The following DLGAP2 variants were observed in gnomAD, a reference collection of about 807,000 sequenced individuals.
DLGAP2 encodes the protein disks large-associated protein 2.
A neutral mutation model predicts 100.3 loss-of-function variants in DLGAP2; 26 were observed. That is an observed-to-expected ratio of 0.26 (90% CI 0.19 to 0.36). The LOEUF is 0.36. Among genes scored for constraint, DLGAP2 ranks in the 10% least tolerant of loss-of-function variants. DLGAP2 has a pLI of 1.00. For synonymous variants in DLGAP2, 886 were observed against 630.1 expected (o/e 1.41, Z -6.08); for missense variants, 1,858 against 1,453.2 (o/e 1.28, Z -4.53).
chr8:1,031,902 G>C (rs932331477), intron 2 of DLGAP2, among the ~76,000 whole-genome samples: 2 of 152,300 alleles, frequency 1.3e-5, no homozygotes, highest in African/African-American at 2.4e-5. Context: ...TGCTACGCTG[G>C]TCTCTCAGAT....
chr8:1,210,639 C>A (rs935197140), intron 2 of DLGAP2, among the ~76,000 whole-genome samples: 2 of 152,182 alleles, frequency 1.3e-5, no homozygotes, highest in African/African-American at 4.8e-5. Context: ...TTCCCTCTTG[C>A]CATGGCTACT....
At chr8:927,881 CA>C (rs540647227) in intron 2 of DLGAP2, among the ~76,000 whole-genome samples, 161 of 152,348 alleles carry the variant, frequency 1.1e-3, no homozygotes, top group African/African-American at 3.6e-3. Context: ...AAAAACCCCA[CA>C]AAGGACCAGC....
chr8:1,427,660 G>A (rs1385359693), intron 3 of DLGAP2, among the ~76,000 whole-genome samples: 3 of 152,146 alleles, frequency 2.0e-5, no homozygotes, highest in Non-Finnish European at 4.4e-5. Flanking sequence ...TAGTGAATGA[G>A]TCTCATGAGA....
intron 3 of DLGAP2, among the ~76,000 whole-genome samples, chr8:1,357,233 C>G (rs1801876264): frequency 2.0e-5 from 3 of 152,070 alleles, no homozygotes; most frequent in Non-Finnish European, 2.9e-5. Flanking sequence ...ACTCACAGCT[C>G]TCAGACTGCA....
chr8:1,519,015 T>C (rs1800493871), intron 4 of DLGAP2, among the ~76,000 whole-genome samples: 1 of 152,282 alleles, frequency 6.6e-6, no homozygotes, highest in East Asian at 1.9e-4. Flanking sequence ...TTCCGAAATT[T>C]TGAGTGCCAG....
intron 2 of DLGAP2, among the ~76,000 whole-genome samples, chr8:1,105,276 G>A (rs528409871): frequency 3.9e-5 from 6 of 152,214 alleles, no homozygotes; most frequent in African/African-American, 1.4e-4. Flanking sequence ...AAAGTATTCT[G>A]AAAGTGAAGA....
In DLGAP2 at chr8:1,174,532, T is replaced by C. The variant is rs1280871364; in HGVS notation, c.74-84319T>C. On this transcript the variant is annotated intron_variant, in intron 2 of 14. Transcript: ENST00000637795. ...TCATTATCACCATCACCAAAATCAT[T>C]ATCATCATTACCATCACCAAAGTCA... Among the ~76,000 whole-genome samples the C allele has an allele frequency of 2.6e-5, 4 of 151,038 alleles. 1 individual carries two copies. In the South Asian group the frequency reaches 6.4e-4, roughly 24 times the overall value.
intron 2 of DLGAP2, among the ~76,000 whole-genome samples, chr8:1,106,812 C>G (rs570128585): frequency 1.3e-5 from 2 of 152,220 alleles, no homozygotes; most frequent in Admixed American, 6.5e-5. Context: ...GGGTGAGGTG[C>G]TTGTCACTTA....
intron 3 of DLGAP2, among the ~76,000 whole-genome samples, chr8:1,269,338 G>C (rs1222296427): frequency 6.6e-6 from 1 of 152,190 alleles, no homozygotes; most frequent in East Asian, 1.9e-4. Flanking sequence ...GGGGAGGATG[G>C]GACCTGCTGG....
chr8:845,241 A>G (rs1456129316), intron 1 of DLGAP2, among the ~76,000 whole-genome samples: 1 of 152,232 alleles, frequency 6.6e-6, no homozygotes, highest in South Asian at 2.1e-4. Context: ...AAGTTGCAGC[A>G]TGAGTTTACG....
chr8:1,144,397 A>G (rs1403989730), intron 2 of DLGAP2, among the ~76,000 whole-genome samples: 1 of 152,256 alleles, frequency 6.6e-6, no homozygotes, highest in African/African-American at 2.4e-5. Context: ...GCTGTAAGAA[A>G]TCCAGAAGCT....
chr8:1,486,906 G>T (rs1466450885), intron 3 of DLGAP2, among the ~76,000 whole-genome samples: 2 of 152,144 alleles, frequency 1.3e-5, no homozygotes, highest in Admixed American at 6.5e-5. Context: ...TTGTCTCCAC[G>T]TTCCCAATAC....
chr8:1,361,244 C>G (rs1010812537), intron 3 of DLGAP2, among the ~76,000 whole-genome samples: 10 of 152,174 alleles, frequency 6.6e-5, no homozygotes, highest in Non-Finnish European at 1.5e-4. Context: ...GGTGACTCCC[C>G]AAGGACAGCA....
At chr8:839,350 A>C (rs1353549726) in intron 1 of DLGAP2, among the ~76,000 whole-genome samples, 1 of 152,224 alleles carries the variant, frequency 6.6e-6, no homozygotes, top group Non-Finnish European at 1.5e-5. Flanking sequence ...ACAACAGGTG[A>C]ATGGATAAAA....
At chr8:1,316,852 A>G (rs1297075968) in intron 3 of DLGAP2, among the ~76,000 whole-genome samples, 2 of 144,918 alleles carry the variant, frequency 1.4e-5, no homozygotes, top group African/African-American at 5.3e-5. Context: ...CGTCTCTCCC[A>G]CAGTGGTCTA....
intron 2 of DLGAP2, among the ~76,000 whole-genome samples, chr8:1,045,001 C>A: frequency 6.6e-6 from 1 of 152,292 alleles, no homozygotes; most frequent in East Asian, 1.9e-4. Flanking sequence ...TTAAAAGGTC[C>A]TTGTCATTTC....
Position 1,697,135 on chromosome 8 carries a change from G to A in DLGAP2, c.2797-12G>A, listed in dbSNP as rs1287482492. 2 of 1,556,642 alleles carry A rather than the reference G, an allele frequency of 1.3e-6. No homozygotes were observed. The highest frequency in any genetic ancestry group is 1.9e-5 in the Admixed American group (1 of 53,288). Reference sequence around the variant, plus strand: ...ACTCTCCTGGCTCTGAACACCCTGTGTGTGTCCCCAGGACCCCAGCGCCAT... The same window carrying A: ...ACTCTCCTGGCTCTGAACACCCTGTATGTGTCCCCAGGACCCCAGCGCCAT... On this transcript the variant is annotated splice_polypyrimidine_tract_variant and intron_variant, in intron 13 of 14. Transcript: ENST00000637795.
At chr8:1,606,275 A>G (rs1319229362) in intron 6 of DLGAP2, among the ~76,000 whole-genome samples, 1 of 151,704 alleles carries the variant, frequency 6.6e-6, no homozygotes, top group South Asian at 2.1e-4. Flanking sequence ...TGATTTAAGA[A>G]CCATACAATT....
At chr8:1,216,652 C>T (rs1270970959) in intron 2 of DLGAP2, among the ~76,000 whole-genome samples, 1 of 152,070 alleles carries the variant, frequency 6.6e-6, no homozygotes, top group Non-Finnish European at 1.5e-5. Flanking sequence ...TGATTTTTAA[C>T]CGCCAATAAG....
Sources: allele counts gnomAD v4.1 joint callset (sites outside exome capture counted in the v4.1 genomes callset), GRCh38; gene constraint gnomAD v4.1.1; transcripts MANE v1.5; gene names NCBI Gene and HGNC (gene_info 2026-07-23, HGNC 2026-07-21).